Variants in ARMC2 observed in about 807,000 individuals in gnomAD.
The protein encoded by ARMC2 is armadillo repeat containing 2, also known as armadillo repeat-containing protein 2.
ARMC2 carries 67 observed loss-of-function variants against 90.3 expected under a neutral mutation model. The observed-to-expected ratio is 0.74, with a 90% CI of 0.61 to 0.91. The LOEUF (loss-of-function observed/expected upper bound fraction) is 0.91. ARMC2 is among the 40% of genes least tolerant of loss of function. ARMC2 has a pLI of 0.00. For synonymous variants in ARMC2, 393 were observed against 393.0 expected, an observed-to-expected ratio of 1.00 and a Z score of 0.00; for missense variants, 920 against 1,030.9, an observed-to-expected ratio of 0.89 and a Z score of 1.47.
At chr6:108,988,460 G>A in the ARMC2 span, 1 of 1,243,234 alleles carries the variant, frequency 8.0e-7, no homozygotes, top group Non-Finnish European at 1.1e-6. Flanking sequence ...TGATGGAAAG[G>A]GTTTCAGCAC....
the ARMC2 span, chr6:109,001,532 G>T: frequency 6.5e-7 from 1 of 1,543,744 alleles, no homozygotes; most frequent in Non-Finnish European, 8.9e-7. Flanking sequence ...TGGTAAATTG[G>T]TGTTAAGGGA....
intron 5 of ARMC2, among the ~76,000 whole-genome samples, chr6:108,890,513 C>T (rs1296386608): frequency 6.6e-6 from 1 of 151,800 alleles, no homozygotes; most frequent in African/African-American, 2.4e-5. Flanking sequence ...TTGCTTGAGG[C>T]CAGGAATTTT....
At chr6:108,871,904 C>T (rs78445039) in intron 4 of ARMC2, among the ~76,000 whole-genome samples, 1 of 152,338 alleles carries the variant, frequency 6.6e-6, no homozygotes, top group East Asian at 1.9e-4. Flanking sequence ...CAGGTCATCC[C>T]TGAGGTCTGG....
chr6:109,041,449 A>G, the ARMC2 span, among the ~76,000 whole-genome samples: 1 of 152,350 alleles, frequency 6.6e-6, no homozygotes, highest in East Asian at 1.9e-4. Flanking sequence ...ACAAGTAACT[A>G]TTAAGCCAAA....
chr6:109,000,440 G>A, the ARMC2 span: 1 of 1,341,728 alleles, frequency 7.5e-7, no homozygotes, highest in Non-Finnish European at 9.8e-7. Context: ...TCCTAAAACT[G>A]CTCTAAAAAA....
intron 5 of ARMC2, among the ~76,000 whole-genome samples, chr6:108,889,204 T>C (rs1770691317): frequency 6.6e-6 from 1 of 152,176 alleles, no homozygotes; most frequent in South Asian, 2.1e-4. Context: ...TGGAGTGAAG[T>C]GTGCAATCTC....
chr6:108,927,923 T>C (rs1355762181), intron 10 of ARMC2, among the ~76,000 whole-genome samples, 165 bp from the exon 11 acceptor site: 1 of 152,240 alleles, frequency 6.6e-6, no homozygotes, highest in African/African-American at 2.4e-5. Flanking sequence ...TTTTCATTTG[T>C]TGCTACTTGT....
chr6:108,935,751 A>C (rs891501087), intron 11 of ARMC2, among the ~76,000 whole-genome samples: 5 of 151,868 alleles, frequency 3.3e-5, no homozygotes, highest in Non-Finnish European at 2.9e-5. Context: ...CCCATCCTAC[A>C]AGTTTTGATT....
chr6:108,910,889 T>G lies in ARMC2; in HGVS notation c.1024-10T>G. On this transcript the variant is annotated splice_polypyrimidine_tract_variant and intron_variant, in intron 8 of 17. Coordinates refer to ENST00000392644, the MANE Select transcript of ARMC2 (RefSeq NM_032131.6). Reference sequence around the variant, plus strand: ...CCTTCTGCAATAGAGATGTGTTTCTTTCTCTGCAGCTTAAAGTGAGTAGAA... The same window carrying G: ...CCTTCTGCAATAGAGATGTGTTTCTGTCTCTGCAGCTTAAAGTGAGTAGAA... 2 of 1,420,870 alleles carry G rather than the reference T, an allele frequency of 1.4e-6. No individual in the cohort carries two copies. Among genetic ancestry groups the G allele is most frequent in the Non-Finnish European group, 1.9e-6 (2 of 1,041,530 alleles). 88.0% of individuals were successfully genotyped at this position (1,420,870 alleles called of 1,614,324 possible).
At chr6:109,044,224 A>G in the ARMC2 span, among the ~76,000 whole-genome samples, 1 of 144,078 alleles carries the variant, frequency 6.9e-6, no homozygotes, top group African/African-American at 2.5e-5. Context: ...CTAAGACAGG[A>G]GGGCTGTCTG....
intron 8 of ARMC2, among the ~76,000 whole-genome samples, chr6:108,905,431 C>G (rs1396942892): frequency 2.0e-5 from 3 of 151,752 alleles, no homozygotes; most frequent in African/African-American, 2.4e-5. Context: ...GATATCACTC[C>G]AGGGCTCTGG....
the ARMC2 span, among the ~76,000 whole-genome samples, chr6:108,983,419 T>C: frequency 6.6e-6 from 1 of 152,172 alleles, no homozygotes; most frequent in Non-Finnish European, 1.5e-5. Context: ...TACATTTAGG[T>C]CTTTGAGTTT....
intron 10 of ARMC2, among the ~76,000 whole-genome samples, chr6:108,925,992 T>C (rs1746665823): frequency 1.3e-5 from 2 of 151,992 alleles, no homozygotes; most frequent in Non-Finnish European, 2.9e-5. Flanking sequence ...GCTAATGAGG[T>C]GAGAATAAGG....
chr6:108,916,801 ACT>A (rs1271490218), intron 10 of ARMC2, among the ~76,000 whole-genome samples: 4 of 151,480 alleles, frequency 2.6e-5, no homozygotes, highest in African/African-American at 9.7e-5. Context: ...GCTGAAGGAA[ACT>A]CCTGGGGTCA....
intron 1 of ARMC2, among the ~76,000 whole-genome samples, chr6:108,852,771 T>G (rs1157550087): frequency 6.6e-6 from 1 of 152,192 alleles, no homozygotes; most frequent in Admixed American, 6.5e-5. Flanking sequence ...GAAGCCTGTT[T>G]ATTATACAGA....
chr6:108,909,291 G>A (rs1457735813), intron 8 of ARMC2, among the ~76,000 whole-genome samples: 2 of 150,914 alleles, frequency 1.3e-5, no homozygotes, highest in Admixed American at 6.6e-5. Context: ...ATGCTTTTTT[G>A]TGACTGCTTA....
the ARMC2 span, among the ~76,000 whole-genome samples, chr6:109,044,311 C>CAAAAAAAAAAAAAAAAAAAAAA: frequency 1.8e-4 from 5 of 28,458 alleles, 2 homozygotes; most frequent in East Asian, 5.2e-3. Flanking sequence ...GAACTTGCCT[C>CAAAAAAAAAAAAAAAAAAAAAA]AAAAAAAAAA....
intron 7 of ARMC2, among the ~76,000 whole-genome samples, chr6:108,902,035 C>T (rs117643725): frequency 9.8e-5 from 15 of 152,326 alleles, no homozygotes; most frequent in East Asian, 9.6e-4. Flanking sequence ...CAGGAGTACA[C>T]GATGCTGATG....
chr6:108,860,390 C>T (rs903119794), intron 3 of ARMC2, among the ~76,000 whole-genome samples: 2 of 151,856 alleles, frequency 1.3e-5, no homozygotes, highest in Admixed American at 6.6e-5. Flanking sequence ...CAGCCAGGCG[C>T]GGTGGCTCAT....
Sources: allele counts gnomAD v4.1 joint callset (sites outside exome capture counted in the v4.1 genomes callset), GRCh38; gene constraint gnomAD v4.1.1; transcripts MANE v1.5; gene names NCBI Gene and HGNC (gene_info 2026-07-23, HGNC 2026-07-21).